Variants in XRCC4 observed in about 807,000 individuals in gnomAD.
XRCC4 encodes X-ray repair cross complementing 4, also known as DNA repair protein XRCC4.
A neutral mutation model predicts 39.1 loss-of-function variants in XRCC4; 28 were observed. The observed-to-expected ratio is 0.72, with a 90% CI of 0.53 to 0.98. The LOEUF is 0.98. XRCC4 is among the 50% of genes least tolerant of loss of function. The pLI is 0.00. For synonymous variants in XRCC4, 123 were observed against 126.4 expected (o/e 0.97, Z 0.18); for missense variants, 350 against 376.4 (o/e 0.93, Z 0.58).
chr5:83,176,197 T>G (rs971048564), intron 3 of XRCC4, among the ~76,000 whole-genome samples: 1 of 152,186 alleles, frequency 6.6e-6, no homozygotes, highest in Admixed American at 6.5e-5. Context: ...TTAGACATAA[T>G]TCATTTACTC....
At chr5:83,326,366 T>C (rs960487866) in intron 7 of XRCC4, among the ~76,000 whole-genome samples, 3 of 152,112 alleles carry the variant, frequency 2.0e-5, no homozygotes, top group Non-Finnish European at 4.4e-5. Flanking sequence ...CATTTTCTTC[T>C]AGGATTTTTA....
At chr5:83,135,615 C>G (rs1211576986) in intron 3 of XRCC4, among the ~76,000 whole-genome samples, 1 of 152,034 alleles carries the variant, frequency 6.6e-6, no homozygotes, top group African/African-American at 2.4e-5. Flanking sequence ...GTATTGCCCC[C>G]TGCCACCATT....
intron 7 of XRCC4, among the ~76,000 whole-genome samples, chr5:83,291,513 A>G (rs1370557917): frequency 2.0e-5 from 3 of 151,910 alleles, no homozygotes; most frequent in African/African-American, 7.2e-5. Flanking sequence ...ATCAAAATCT[A>G]TTAGTGGACT....
At chr5:83,186,894 C>T (rs79110631) in intron 3 of XRCC4, among the ~76,000 whole-genome samples, 2,914 of 151,742 alleles carry the variant, frequency 0.019, 94 homozygotes, top group African/African-American at 0.067. Context: ...TGTCTTTCCC[C>T]GTTTCTAGAA....
the XRCC4 span, among the ~76,000 whole-genome samples, chr5:83,361,543 G>A: frequency 6.6e-6 from 1 of 151,944 alleles, no homozygotes; most frequent in South Asian, 2.1e-4. Context: ...AAAAGTTTGG[G>A]TCAGAGAAAG....
the XRCC4 span, among the ~76,000 whole-genome samples, chr5:83,361,623 CTTT>C: frequency 6.9e-6 from 1 of 144,836 alleles, no homozygotes; most frequent in African/African-American, 2.5e-5. Context: ...TTTTATTTTT[CTTT>C]TTTTTTTTTT....
At chr5:83,306,853 G>A (rs1210557181) in intron 7 of XRCC4, among the ~76,000 whole-genome samples, 9 of 152,096 alleles carry the variant, frequency 5.9e-5, no homozygotes, top group Non-Finnish European at 1.2e-4. Flanking sequence ...CCTCTCTTGA[G>A]GCACAGAATA....
At chr5:83,130,649 C>G (rs2112478102) in intron 3 of XRCC4, among the ~76,000 whole-genome samples, 1 of 152,162 alleles carries the variant, frequency 6.6e-6, no homozygotes, top group East Asian at 1.9e-4. Context: ...ATTTCAGAAC[C>G]TGTTATTGGT....
chr5:83,315,161 G>C (rs984647448), intron 7 of XRCC4, among the ~76,000 whole-genome samples: 6 of 152,120 alleles, frequency 3.9e-5, no homozygotes, highest in Non-Finnish European at 7.4e-5. Context: ...GAATGGTCTG[G>C]ATAGAAAAAT....
At chr5:83,200,175 T>C (rs1751125452) in intron 4 of XRCC4, among the ~76,000 whole-genome samples, 1 of 152,212 alleles carries the variant, frequency 6.6e-6, no homozygotes, top group African/African-American at 2.4e-5. Context: ...TGATACGACA[T>C]ACCTCTTAGT....
At chr5:83,113,133 G>T (rs1408560551) in intron 3 of XRCC4, among the ~76,000 whole-genome samples, 2 of 152,158 alleles carry the variant, frequency 1.3e-5, no homozygotes, top group African/African-American at 4.8e-5. Context: ...ATACAATGAG[G>T]GTACAGGCAT....
chr5:83,167,631 G>T (rs1749543368), intron 3 of XRCC4, among the ~76,000 whole-genome samples: 1 of 152,138 alleles, frequency 6.6e-6, no homozygotes, highest in Non-Finnish European at 1.5e-5. Flanking sequence ...GGATGGGTTT[G>T]GTGGAGGAGG....
At chr5:83,282,798 C>T (rs908946997) in intron 7 of XRCC4, among the ~76,000 whole-genome samples, 5 of 151,928 alleles carry the variant, frequency 3.3e-5, no homozygotes, top group South Asian at 2.1e-4. Flanking sequence ...GCCGAGATTG[C>T]GCCACTGCAC....
At chr5:83,242,004 T>A (rs1752929849) in intron 6 of XRCC4, among the ~76,000 whole-genome samples, 1 of 150,710 alleles carries the variant, frequency 6.6e-6, no homozygotes, top group African/African-American at 2.4e-5. Context: ...GGTCTTGCTG[T>A]CTCAGGGTGG....
chr5:83,099,934 A>G (rs1289516198), intron 1 of XRCC4, among the ~76,000 whole-genome samples: 1 of 152,176 alleles, frequency 6.6e-6, no homozygotes, highest in Non-Finnish European at 1.5e-5. Context: ...CTGAATCTTA[A>G]AAGACATTCC....
At chr5:83,251,059 G>A (rs1331010555) in intron 6 of XRCC4, among the ~76,000 whole-genome samples, 4 of 152,238 alleles carry the variant, frequency 2.6e-5, no homozygotes, top group Middle Eastern at 6.8e-3. Context: ...TCTGGATAGT[G>A]CCAGAGTTCC....
At chr5:83,332,589 T>A (rs1386344338) in intron 7 of XRCC4, among the ~76,000 whole-genome samples, 1 of 152,214 alleles carries the variant, frequency 6.6e-6, no homozygotes, top group African/African-American at 2.4e-5. Flanking sequence ...CCTTTTGCAC[T>A]ATAAGAGGTA....
At chr5:83,195,599 C>G (rs964717155) in intron 3 of XRCC4, among the ~76,000 whole-genome samples, 171 bp from the exon 4 acceptor site, 2 of 152,054 alleles carry the variant, frequency 1.3e-5, no homozygotes, top group African/African-American at 2.4e-5. Flanking sequence ...AAGTAAGAAA[C>G]TTTAGGTAGA....
intron 1 of XRCC4, among the ~76,000 whole-genome samples, chr5:83,089,132 A>G (rs113966693): frequency 6.6e-6 from 1 of 152,232 alleles, no homozygotes; most frequent in African/African-American, 2.4e-5. Context: ...ACAGCCTCCT[A>G]AATTGTGATA....
Sources: allele counts gnomAD v4.1 joint callset (sites outside exome capture counted in the v4.1 genomes callset), GRCh38; gene constraint gnomAD v4.1.1; transcripts MANE v1.5; gene names NCBI Gene and HGNC (gene_info 2026-07-23, HGNC 2026-07-21).